Variants in SLC25A26 observed in about 807,000 individuals in gnomAD.
SLC25A26 encodes mitochondrial S-adenosylmethionine carrier protein.
A neutral mutation model predicts 37.8 loss-of-function variants in SLC25A26; 36 were observed. The ratio of observed to expected loss-of-function variants is 0.95; its 90% confidence interval spans 0.73 to 1.26. The LOEUF (loss-of-function observed/expected upper bound fraction) is 1.26. SLC25A26 is among the 50% of genes most tolerant of loss of function. The pLI is 0.00. For synonymous variants in SLC25A26, 129 were observed against 122.5 expected (o/e 1.05, Z -0.35); for missense variants, 390 against 331.1 (o/e 1.18, Z -1.38).
chr3:66,299,464 A>G (rs767297029), intron 5 of SLC25A26, among the ~76,000 whole-genome samples: 3 of 152,208 alleles, frequency 2.0e-5, no homozygotes, highest in African/African-American at 7.2e-5. Context: ...TGCTGGGATT[A>G]TAAGTGTGAG....
intron 1 of SLC25A26, among the ~76,000 whole-genome samples, chr3:66,167,205 T>G (rs937540889): frequency 4.6e-5 from 7 of 152,210 alleles, no homozygotes; most frequent in African/African-American, 1.7e-4. Context: ...TCATAGAGAT[T>G]GGTTCGAGGA....
chr3:66,351,260 C>T (rs2107759976), intron 6 of SLC25A26, among the ~76,000 whole-genome samples: 1 of 152,260 alleles, frequency 6.6e-6, no homozygotes, highest in South Asian at 2.1e-4. Flanking sequence ...TGTGCTACAT[C>T]ATTTCCTTTG....
Position 66,370,610 on chromosome 3 carries a change from G to A in SLC25A26, c.707+8G>A, listed in dbSNP as rs376485576. The A allele has an allele frequency of 1.2e-5, 20 of 1,611,136 alleles. No homozygotes were observed. Among genetic ancestry groups the A allele is most frequent in the Admixed American group, 1.0e-4 (6 of 59,944 alleles). The stretch of plus-strand genomic sequence containing the variant: ...GTCACAGGGGCTGGCAGGGTAAGAC[G>A]AGGAATGCCCTCCTTCCTTTCTTCC... On this transcript the variant is annotated splice_region_variant and intron_variant, in intron 9 of 9. Transcript: ENST00000354883.
intron 7 of SLC25A26, among the ~76,000 whole-genome samples, chr3:66,364,936 AAAAGAT>A (rs1348484524): frequency 2.0e-5 from 3 of 152,222 alleles, no homozygotes; most frequent in African/African-American, 7.2e-5. Context: ...TATATTTAGC[AAAAGAT>A]AAATAGATTG....
chr3:66,231,069 G>C (rs923920566), intron 1 of SLC25A26, among the ~76,000 whole-genome samples: 5 of 152,160 alleles, frequency 3.3e-5, no homozygotes, highest in African/African-American at 1.2e-4. Context: ...CAGCTACTCC[G>C]GAGGCTGAGT....
At chr3:66,319,024 A>G (rs922026424) in intron 5 of SLC25A26, among the ~76,000 whole-genome samples, 2 of 152,100 alleles carry the variant, frequency 1.3e-5, no homozygotes, top group African/African-American at 4.8e-5. Context: ...ACCAACTTTC[A>G]CTTGACACTG....
chr3:66,316,546 AT>A (rs1186992086), intron 5 of SLC25A26, among the ~76,000 whole-genome samples: 1 of 150,358 alleles, frequency 6.7e-6, no homozygotes. Context: ...TGCCCTTAAC[AT>A]TTTTTTTTCT....
chr3:66,306,950 A>G (rs941914421), intron 5 of SLC25A26, among the ~76,000 whole-genome samples: 2 of 152,126 alleles, frequency 1.3e-5, no homozygotes, highest in Non-Finnish European at 2.9e-5. Context: ...TATTGTAAAT[A>G]GTGCTGCAGT....
At chr3:66,171,807 A>G (rs2070503415) in intron 1 of SLC25A26, among the ~76,000 whole-genome samples, 1 of 152,108 alleles carries the variant, frequency 6.6e-6, no homozygotes, top group African/African-American at 2.4e-5. Context: ...GTTCATTTCA[A>G]TTGTTCTTTA....
chr3:66,310,169 G>T lies in SLC25A26; in HGVS notation c.454-36195G>T, dbSNP rs146694783. On this transcript the variant is annotated intron_variant, in intron 5 of 9. Coordinates refer to ENST00000354883, the MANE Select transcript of SLC25A26 (RefSeq NM_001379210.1). ...GTAGGTCTCTAAGAACTTGCTTTAT[G>T]AATCTGAGTGCTCCTGTATTGGGTG... Among the ~76,000 whole-genome samples, 740 of 152,338 alleles carry T rather than the reference G, an allele frequency of 4.9e-3. 10 individuals are homozygous for T. Among genetic ancestry groups the T allele is most frequent in the African/African-American group, 0.017 (695 of 41,572 alleles).
At chr3:66,215,847 A>G (rs948416102) in intron 1 of SLC25A26, among the ~76,000 whole-genome samples, 4 of 152,212 alleles carry the variant, frequency 2.6e-5, no homozygotes, top group East Asian at 1.9e-4. Context: ...TTGTGCTGCT[A>G]TAACAACATA....
At chr3:66,354,938 A>G (rs1475860793) in intron 6 of SLC25A26, among the ~76,000 whole-genome samples, 1 of 152,116 alleles carries the variant, frequency 6.6e-6, no homozygotes, top group Non-Finnish European at 1.5e-5. Flanking sequence ...GCCATATGAA[A>G]CTGTAAGTCC....
intron 1 of SLC25A26, among the ~76,000 whole-genome samples, chr3:66,141,073 G>A (rs936717844): frequency 2.0e-5 from 3 of 146,628 alleles, no homozygotes; most frequent in Admixed American, 6.8e-5. Context: ...ACACACACAC[G>A]CAAATGAGCA....
intron 1 of SLC25A26, among the ~76,000 whole-genome samples, chr3:66,207,773 G>T (rs1399647121): frequency 6.6e-6 from 1 of 152,118 alleles, no homozygotes; most frequent in East Asian, 1.9e-4. Context: ...TTCTTGTAAC[G>T]CTTGTGCCAA....
chr3:66,263,560 A>C (rs1168764974), intron 5 of SLC25A26, 181 bp downstream of exon 5: 1 of 155,288 alleles, frequency 6.4e-6, no homozygotes, highest in African/African-American at 2.4e-5. Flanking sequence ...GAATGAGTAG[A>C]ATGGGTTTGC....
At chr3:66,200,989 T>A (rs2071101134) in intron 1 of SLC25A26, among the ~76,000 whole-genome samples, 1 of 152,098 alleles carries the variant, frequency 6.6e-6, no homozygotes, top group African/African-American at 2.4e-5. Context: ...TACCGTATAA[T>A]CACTATGAGA....
chr3:66,235,931 A>C (rs2072257133), intron 1 of SLC25A26, among the ~76,000 whole-genome samples: 1 of 152,174 alleles, frequency 6.6e-6, no homozygotes, highest in Admixed American at 6.5e-5. Flanking sequence ...TATTTTTAAG[A>C]GACAGGGTCT....
intron 5 of SLC25A26, among the ~76,000 whole-genome samples, chr3:66,312,573 T>C (rs1342454789): frequency 6.6e-6 from 1 of 151,224 alleles, no homozygotes; most frequent in African/African-American, 2.4e-5. Context: ...CTCCTGCACC[T>C]AGCTCTGCCC....
At chr3:66,233,344 A>C (rs1207414720) in intron 1 of SLC25A26, among the ~76,000 whole-genome samples, 1 of 152,210 alleles carries the variant, frequency 6.6e-6, no homozygotes, top group Non-Finnish European at 1.5e-5. Flanking sequence ...GTCTCGATAC[A>C]TTGTGATGCT....
Sources: allele counts gnomAD v4.1 joint callset (sites outside exome capture counted in the v4.1 genomes callset), GRCh38; gene constraint gnomAD v4.1.1; transcripts MANE v1.5; gene names NCBI Gene and HGNC (gene_info 2026-07-23, HGNC 2026-07-21).